The following TMEM117 variants were observed in gnomAD, a reference collection of about 807,000 sequenced individuals.
The protein encoded by TMEM117 is transmembrane protein 117.
A neutral mutation model predicts 52.4 loss-of-function variants in TMEM117; 27 were observed. That is an observed-to-expected ratio of 0.51 (90% CI 0.38 to 0.71). The LOEUF (loss-of-function observed/expected upper bound fraction) is 0.71, where lower values mean the gene tolerates loss of function less well. TMEM117 is among the 30% of genes least tolerant of loss of function. The probability of loss-of-function intolerance (pLI) is 0.00; values close to 1 mark genes in which losing one functional copy is unlikely to be tolerated. For synonymous variants in TMEM117, 215 were observed against 206.3 expected (o/e 1.04, Z -0.36); for missense variants, 556 against 630.5 (o/e 0.88, Z 1.26).
intron 4 of TMEM117, among the ~76,000 whole-genome samples, chr12:44,174,185 A>C (rs1949086888): frequency 1.3e-5 from 2 of 152,188 alleles, no homozygotes; most frequent in African/African-American, 4.8e-5. Context: ...TTTTTTAACC[A>C]AATGTACTAT....
intron 6 of TMEM117, among the ~76,000 whole-genome samples, chr12:44,310,178 G>A (rs1461263635): frequency 6.6e-6 from 1 of 152,124 alleles, no homozygotes; most frequent in Non-Finnish European, 1.5e-5. Context: ...AAATGTTTCA[G>A]TTTTTCTTTG....
intron 3 of TMEM117, among the ~76,000 whole-genome samples, chr12:44,092,452 A>G (rs1410286970): frequency 2.0e-5 from 3 of 152,138 alleles, no homozygotes; most frequent in Non-Finnish European, 4.4e-5. Context: ...GTGCAGTGAG[A>G]TCATCTTGCC....
chr12:44,136,864 G>A (rs1014661583), intron 3 of TMEM117, among the ~76,000 whole-genome samples: 3 of 151,864 alleles, frequency 2.0e-5, no homozygotes, highest in Non-Finnish European at 4.4e-5. Flanking sequence ...ATACAATAAC[G>A]CTCTATTCTA....
At chr12:44,177,505 C>CA (rs1247489884) in intron 4 of TMEM117, among the ~76,000 whole-genome samples, 1 of 152,112 alleles carries the variant, frequency 6.6e-6, no homozygotes, top group Non-Finnish European at 1.5e-5. Flanking sequence ...TGTGCCTCTG[C>CA]AGGTAGAGTG....
intron 5 of TMEM117, among the ~76,000 whole-genome samples, chr12:44,260,330 A>G (rs1950306753): frequency 6.6e-6 from 1 of 152,146 alleles, no homozygotes; most frequent in African/African-American, 2.4e-5. Context: ...AGTGGAGTCT[A>G]AACCTTTCCT....
the TMEM117 span, among the ~76,000 whole-genome samples, chr12:43,804,879 T>C: frequency 1.3e-5 from 2 of 152,244 alleles, no homozygotes; most frequent in African/African-American, 2.4e-5. Flanking sequence ...ATTACAATTT[T>C]GAAAAACTTT....
At chr12:43,910,490 G>A in intron 2 of TMEM117, among the ~76,000 whole-genome samples, 2 of 138,316 alleles carry the variant, frequency 1.4e-5, no homozygotes, top group African/African-American at 5.4e-5. Context: ...GGAAGTTCTG[G>A]CCAGGGCAAT....
At chr12:44,062,425 A>G (rs1454490326) in intron 3 of TMEM117, among the ~76,000 whole-genome samples, 1 of 152,216 alleles carries the variant, frequency 6.6e-6, no homozygotes, top group Non-Finnish European at 1.5e-5. Context: ...TAATTAAAGT[A>G]TCTATATAGA....
chr12:44,316,636 TA>T (rs750466732), intron 6 of TMEM117, among the ~76,000 whole-genome samples: 5 of 152,190 alleles, frequency 3.3e-5, no homozygotes, highest in Admixed American at 6.5e-5. Flanking sequence ...TCTTTAAAAA[TA>T]CTAGGGACAC....
chr12:43,809,912 C>T, the TMEM117 span, among the ~76,000 whole-genome samples: 1 of 152,150 alleles, frequency 6.6e-6, no homozygotes, highest in Non-Finnish European at 1.5e-5. Flanking sequence ...AGATAAAATT[C>T]TTTCATTCCT....
intron 4 of TMEM117, among the ~76,000 whole-genome samples, chr12:44,170,963 C>A (rs1949036696): frequency 6.6e-6 from 1 of 151,886 alleles, no homozygotes; most frequent in African/African-American, 2.4e-5. Flanking sequence ...GTTTTTCTGT[C>A]CTGAGATCTG....
intron 6 of TMEM117, among the ~76,000 whole-genome samples, chr12:44,349,825 A>C (rs576070223): frequency 6.6e-6 from 1 of 152,182 alleles, no homozygotes; most frequent in African/African-American, 2.4e-5. Context: ...ACCATGTACT[A>C]GAAACATAAA....
chr12:44,189,345 C>G (rs1056765576), intron 4 of TMEM117, among the ~76,000 whole-genome samples: 6 of 152,086 alleles, frequency 3.9e-5, no homozygotes, highest in African/African-American at 4.8e-5. Context: ...TGATATTTCT[C>G]TCTTCAGTAT....
intron 3 of TMEM117, among the ~76,000 whole-genome samples, chr12:43,977,530 G>A (rs971034830): frequency 2.6e-5 from 4 of 152,056 alleles, no homozygotes; most frequent in African/African-American, 7.2e-5. Flanking sequence ...TGTCTAGAGA[G>A]GTTTTAGCAA....
In TMEM117 at chr12:43,969,903, C is replaced by G. The variant is rs538902283; in HGVS notation, c.410+25561C>G. ...TTCACTCTCCTCCTCTCTTTAATCTCTCCTCTAGGTATAGCAGTATCTCCT... is the reference window on the plus strand; with the variant it reads ...TTCACTCTCCTCCTCTCTTTAATCTGTCCTCTAGGTATAGCAGTATCTCCT... On this transcript the variant is annotated intron_variant, in intron 3 of 7. Transcript: ENST00000266534. Among the ~76,000 whole-genome samples, 3 of 152,284 alleles carry G rather than the reference C, an allele frequency of 2.0e-5. No homozygotes were observed. The South Asian group carries it at 6.2e-4, about 32-fold the overall frequency.
intron 2 of TMEM117, among the ~76,000 whole-genome samples, chr12:43,926,967 G>A (rs1170351334): frequency 1.3e-5 from 2 of 151,626 alleles, no homozygotes; most frequent in Non-Finnish European, 2.9e-5. Flanking sequence ...TGCTTTCTAT[G>A]AGTTTATTAC....
intron 3 of TMEM117, among the ~76,000 whole-genome samples, chr12:44,062,809 T>C (rs914413080): frequency 6.6e-6 from 1 of 152,180 alleles, no homozygotes; most frequent in African/African-American, 2.4e-5. Flanking sequence ...CTTTAGGGAA[T>C]CTAATTTGAT....
chr12:43,962,316 T>A (rs7308588), intron 3 of TMEM117, among the ~76,000 whole-genome samples: 21,906 of 152,202 alleles, frequency 0.14, 2,068 homozygotes, highest in African/African-American at 0.27. Flanking sequence ...CTTTTTCTTT[T>A]TTTCTGGAGA....
the TMEM117 span, chr12:43,804,686 C>G: frequency 4.9e-6 from 3 of 616,136 alleles, no homozygotes; most frequent in African/African-American, 1.9e-5. Flanking sequence ...ATGTAGCATC[C>G]TTATTATCAG....
Sources: gnomAD v4.1 joint callset for allele counts (sites outside exome capture counted in the v4.1 genomes callset) on GRCh38, gnomAD v4.1.1 for gene constraint, MANE v1.5 for transcripts, NCBI Gene and HGNC (gene_info 2026-07-23, HGNC 2026-07-21) for gene names.